CTIF: variants seen among roughly 807,000 people sequenced by gnomAD.
CTIF encodes the protein cap binding complex dependent translation initiation factor, also known as CBP80/20-dependent translation initiation factor.
CTIF carries 21 observed loss-of-function variants against 66.0 expected under a neutral mutation model. The ratio of observed to expected loss-of-function variants is 0.32; its 90% CI spans 0.23 to 0.46. The LOEUF is 0.46. Among genes scored for constraint, CTIF ranks in the 20% least tolerant of loss-of-function variants. The pLI is 1.00. For synonymous variants in CTIF, 345 were observed against 326.4 expected (o/e 1.06, Z -0.62); for missense variants, 739 against 812.7 (o/e 0.91, Z 1.10).
Position 48,706,749 on chromosome 18 carries a change from G to A in CTIF, c.508-4870G>A, listed in dbSNP as rs115930244. 9.7e-3 allele frequency among the ~76,000 whole-genome samples: 1,481 copies of A among 152,262 alleles called. 21 individuals carry two copies. The highest frequency in any genetic ancestry group is 0.034 in the African/African-American group (1,412 of 41,546). ...GCCGCCCCTCAGTGTCATGTCTTCT[G>A]CAAGCACTGACCTCAGGACAGGAGT... On this transcript the variant is annotated intron_variant, in intron 6 of 11. Transcript: ENST00000256413.
chr18:48,614,528 T>C (rs1281153967), intron 1 of CTIF, among the ~76,000 whole-genome samples: 1 of 152,224 alleles, frequency 6.6e-6, no homozygotes, highest in East Asian at 1.9e-4. Flanking sequence ...CGATGTCTTA[T>C]TCAGCCATAA....
chr18:48,738,327 C>T (rs2092522324), intron 7 of CTIF, among the ~76,000 whole-genome samples: 2 of 152,190 alleles, frequency 1.3e-5, no homozygotes, highest in Admixed American at 1.3e-4. Context: ...TTTTCAATGT[C>T]ATTTCTTAGC....
intron 1 of CTIF, among the ~76,000 whole-genome samples, chr18:48,594,639 C>CCTTGTTGTGCAAAAAGCACCTT (rs2089957175): frequency 6.6e-6 from 1 of 152,304 alleles, no homozygotes; most frequent in East Asian, 1.9e-4. Flanking sequence ...ACCAGGTGCA[C>CCTTGTTGTGCAAAAAGCACCTT]GTTGTGACCT....
chr18:48,741,519 G>C lies in CTIF; in HGVS notation c.585-16400G>C, dbSNP rs9961512. On this transcript the variant is annotated intron_variant, in intron 7 of 11. Coordinates refer to ENST00000256413, the MANE Select transcript of CTIF (RefSeq NM_014772.3). Reference sequence around the variant, plus strand: ...GCTCACTGCAACCTCCGCCCCCCAGGTTCAAGTATTCTTCTGCCTCAGCCT... The same window carrying C: ...GCTCACTGCAACCTCCGCCCCCCAGCTTCAAGTATTCTTCTGCCTCAGCCT... Among the ~76,000 whole-genome samples, 1,478 of 149,266 alleles carry C rather than the reference G, an allele frequency of 9.9e-3. 27 individuals carry two copies. Among genetic ancestry groups the C allele is most frequent in the African/African-American group, 0.035 (1,425 of 40,452 alleles).
At chr18:48,561,442 G>T (rs2089161850) in intron 1 of CTIF, among the ~76,000 whole-genome samples, 1 of 152,158 alleles carries the variant, frequency 6.6e-6, no homozygotes, top group Non-Finnish European at 1.5e-5. Flanking sequence ...CTGAGACTGG[G>T]AAGTGCAGGC....
At chr18:48,739,264 G>A (rs1014309685) in intron 7 of CTIF, among the ~76,000 whole-genome samples, 3 of 152,210 alleles carry the variant, frequency 2.0e-5, no homozygotes, top group African/African-American at 7.2e-5. Flanking sequence ...GTTAGCACAG[G>A]CCACAGTGGG....
intron 2 of CTIF, among the ~76,000 whole-genome samples, chr18:48,629,564 A>C (rs150614822): frequency 6.6e-6 from 1 of 152,186 alleles, no homozygotes; most frequent in Admixed American, 6.5e-5. Context: ...AGTATAGGAA[A>C]TGAACATTGA....
chr18:48,610,978 A>C (rs1010023632), intron 1 of CTIF, among the ~76,000 whole-genome samples: 6 of 152,246 alleles, frequency 3.9e-5, no homozygotes, highest in Non-Finnish European at 8.8e-5. Flanking sequence ...TGGGGTCCAC[A>C]GAGCTTAGGA....
At chr18:48,612,728 G>A (rs1361186837) in intron 1 of CTIF, among the ~76,000 whole-genome samples, 2 of 152,178 alleles carry the variant, frequency 1.3e-5, no homozygotes, top group African/African-American at 2.4e-5. Flanking sequence ...CTGCTGGGAC[G>A]AGTGGACAGA....
intron 9 of CTIF, among the ~76,000 whole-genome samples, chr18:48,779,155 G>C (rs543993376): frequency 1.3e-5 from 2 of 152,248 alleles, no homozygotes; most frequent in African/African-American, 4.8e-5. Context: ...GACTGGTGTC[G>C]CTCATGTCTG....
At chr18:48,796,340 A>AT (rs552372221) in intron 9 of CTIF, among the ~76,000 whole-genome samples, 11,268 of 151,026 alleles carry the variant, frequency 0.075, 611 homozygotes, top group Non-Finnish European at 0.11. Context: ...TGTCCAGCTA[A>AT]TTTTTTTTTG....
intron 6 of CTIF, among the ~76,000 whole-genome samples, chr18:48,672,060 T>TA (rs1485767295): frequency 2.3e-5 from 3 of 130,572 alleles, no homozygotes; most frequent in African/African-American, 1.0e-4. Context: ...GTTGAAAACT[T>TA]AAAGTCCTGG....
chr18:48,764,609 C>T (rs913895992), intron 9 of CTIF, among the ~76,000 whole-genome samples: 2 of 152,168 alleles, frequency 1.3e-5, no homozygotes, highest in Admixed American at 6.5e-5. Context: ...AAGGGAACCC[C>T]CCACCCAAGG....
intron 5 of CTIF, among the ~76,000 whole-genome samples, chr18:48,669,796 TATATATATATATATATATATATATA>T (rs1568120570): frequency 5.0e-5 from 2 of 39,638 alleles, no homozygotes; most frequent in African/African-American, 2.9e-4. Context: ...TAAACATTTA[TATATATATATATATATATATATATA>T]TATATATATA....
chr18:48,721,750 T>TC (rs57491489), intron 7 of CTIF, among the ~76,000 whole-genome samples: 36,973 of 150,108 alleles, frequency 0.25, 5,179 homozygotes, highest in African/African-American at 0.38. Flanking sequence ...AGAACGTGCA[T>TC]CCCCCCCTCT....
intron 7 of CTIF, among the ~76,000 whole-genome samples, chr18:48,715,513 C>T (rs1239791037): frequency 6.6e-6 from 1 of 152,056 alleles, no homozygotes; most frequent in African/African-American, 2.4e-5. Context: ...AAGGCTCGTT[C>T]CCCCCCTTTT....
intron 7 of CTIF, among the ~76,000 whole-genome samples, chr18:48,754,796 T>G (rs1908182749): frequency 6.6e-6 from 1 of 152,226 alleles, no homozygotes; most frequent in Non-Finnish European, 1.5e-5. Flanking sequence ...TGCTATATTG[T>G]CAGGGCTGGC....
intron 10 of CTIF, among the ~76,000 whole-genome samples, chr18:48,821,698 A>G (rs2068486315): frequency 6.6e-6 from 1 of 152,246 alleles, no homozygotes; most frequent in Admixed American, 6.5e-5. Context: ...GTGGTTTTCA[A>G]AGTGATTGAA....
intron 2 of CTIF, among the ~76,000 whole-genome samples, chr18:48,626,094 C>T (rs953499039): frequency 1.3e-5 from 2 of 150,794 alleles, no homozygotes; most frequent in Non-Finnish European, 2.9e-5. Context: ...CTCCCCCCAC[C>T]GCAGGTTCAA....
Sources: allele counts gnomAD v4.1 joint callset (sites outside exome capture counted in the v4.1 genomes callset), GRCh38; gene constraint gnomAD v4.1.1; transcripts MANE v1.5; gene names NCBI Gene and HGNC (gene_info 2026-07-23, HGNC 2026-07-21).